The following C12orf42 variants were observed in gnomAD, a reference collection of about 807,000 sequenced individuals.
C12orf42 encodes the protein chromosome 12 open reading frame 42, also known as uncharacterized protein C12orf42.
A neutral mutation model predicts 21.6 loss-of-function variants in C12orf42; 25 were observed. The observed-to-expected ratio is 1.16, with a 90% CI of 0.84 to 1.62. C12orf42 has a LOEUF of 1.62. Ranked by LOEUF, C12orf42 falls within the 40% of genes most tolerant of loss-of-function variation. C12orf42 has a pLI of 0.00. For missense variants in C12orf42, 483 were observed against 459.3 expected, an observed-to-expected ratio of 1.05 and a Z score of -0.47; for synonymous variants, 174 against 175.0, an observed-to-expected ratio of 0.99 and a Z score of 0.05.
intron 4 of C12orf42, among the ~76,000 whole-genome samples, chr12:103,293,651 A>G (rs769460596): frequency 1.3e-5 from 2 of 152,070 alleles, no homozygotes; most frequent in African/African-American, 4.8e-5. Context: ...AGAATTTAGA[A>G]TTTTTTCTAT....
intron 2 of C12orf42, among the ~76,000 whole-genome samples, chr12:103,404,275 A>G (rs1299012031): frequency 6.6e-6 from 1 of 152,224 alleles, no homozygotes; most frequent in Non-Finnish European, 1.5e-5. Context: ...CGAGGAGTCC[A>G]GAAAGAAACA....
At chr12:103,467,604 G>A (rs191774056) in intron 2 of C12orf42, among the ~76,000 whole-genome samples, 1 of 152,150 alleles carries the variant, frequency 6.6e-6, no homozygotes, top group African/African-American at 2.4e-5. Flanking sequence ...TTGGGCCAAC[G>A]CACTTCAGTA....
intron 4 of C12orf42, among the ~76,000 whole-genome samples, chr12:103,329,616 T>TA (rs568084194): frequency 0.11 from 14,788 of 139,996 alleles, 807 homozygotes; most frequent in East Asian, 0.19. Context: ...CGGGCCTGCT[T>TA]AAAAAAAAAA....
chr12:103,130,608 C>A, the C12orf42 span, among the ~76,000 whole-genome samples: 2 of 151,958 alleles, frequency 1.3e-5, no homozygotes, highest in Non-Finnish European at 2.9e-5. Context: ...TGGTTCAGCA[C>A]CCATGGAGGG....
At chr12:103,398,151 C>T (rs978580488) in intron 3 of C12orf42, among the ~76,000 whole-genome samples, 2 of 152,206 alleles carry the variant, frequency 1.3e-5, no homozygotes, top group Non-Finnish European at 2.9e-5. Flanking sequence ...ATGTGAGACT[C>T]TCCATTTCTC....
At chr12:103,295,142 T>C (rs1260571735) in intron 4 of C12orf42, among the ~76,000 whole-genome samples, 1 of 152,208 alleles carries the variant, frequency 6.6e-6, no homozygotes, top group African/African-American at 2.4e-5. Flanking sequence ...AGTAAAGGGT[T>C]GGAGCATTCT....
chr12:103,154,527 G>A, the C12orf42 span, among the ~76,000 whole-genome samples: 2,151 of 151,782 alleles, frequency 0.014, 66 homozygotes, highest in African/African-American at 0.049. Context: ...TTTCTAACTT[G>A]TACTCTGAGA....
At chr12:103,079,536 G>A in the C12orf42 span, among the ~76,000 whole-genome samples, 1 of 152,338 alleles carries the variant, frequency 6.6e-6, no homozygotes, top group African/African-American at 2.4e-5. Flanking sequence ...AAAATGTGCT[G>A]TGGTATGCAT....
At chr12:103,129,590 T>G in the C12orf42 span, among the ~76,000 whole-genome samples, 1 of 152,234 alleles carries the variant, frequency 6.6e-6, no homozygotes, top group Non-Finnish European at 1.5e-5. Flanking sequence ...TCTTCTGCCT[T>G]TTTATAACTT....
chr12:103,237,142 A>G (rs1193466939), downstream of C12orf42, among the ~76,000 whole-genome samples: 2 of 152,240 alleles, frequency 1.3e-5, no homozygotes, highest in Non-Finnish European at 2.9e-5. Flanking sequence ...GCTCTGAAAT[A>G]TATCACAGGC....
At chr12:103,305,912 G>T in intron 5 of C12orf42, 62 bp downstream of exon 5, 1 of 1,530,058 alleles carries the variant, frequency 6.5e-7, no homozygotes. Context: ...TTATACTGAA[G>T]TTAAAAACAA....
the C12orf42 span, among the ~76,000 whole-genome samples, chr12:103,551,509 C>T: frequency 9.9e-5 from 15 of 151,900 alleles, no homozygotes; most frequent in South Asian, 2.9e-3. Context: ...AGAGCAAGAC[C>T]CTGTCTCTCA....
At chr12:103,163,307 G>A in the C12orf42 span, among the ~76,000 whole-genome samples, 3 of 152,164 alleles carry the variant, frequency 2.0e-5, no homozygotes, top group African/African-American at 7.2e-5. Flanking sequence ...TCCAATCAAT[G>A]GCAGATTGAG....
chr12:103,105,032 C>G, the C12orf42 span, among the ~76,000 whole-genome samples: 1 of 152,210 alleles, frequency 6.6e-6, no homozygotes. Context: ...CCACACTGCA[C>G]TGGTATTCTA....
chr12:103,116,381 A>AAATATATATATATATAT, the C12orf42 span, among the ~76,000 whole-genome samples: 1 of 136,712 alleles, frequency 7.3e-6, no homozygotes, highest in African/African-American at 2.7e-5. Flanking sequence ...AAAAAAAAAA[A>AAATATATATATATATAT]ATATATATAT....
At chr12:103,137,215 A>G in the C12orf42 span, among the ~76,000 whole-genome samples, 7 of 152,230 alleles carry the variant, frequency 4.6e-5, no homozygotes, top group Non-Finnish European at 8.8e-5. Flanking sequence ...GGCAAAGGAC[A>G]TGAATAGACA....
chr12:103,414,382 C>T (rs1235214419), intron 2 of C12orf42, among the ~76,000 whole-genome samples: 3 of 151,864 alleles, frequency 2.0e-5, no homozygotes, highest in African/African-American at 4.8e-5. Context: ...ATTCTGGATA[C>T]CAGTCCTTTC....
chr12:103,204,551 C>A, the C12orf42 span, among the ~76,000 whole-genome samples: 2 of 152,032 alleles, frequency 1.3e-5, no homozygotes, highest in South Asian at 4.1e-4. Context: ...ATGAAAAGAA[C>A]CTGAAGTTAA....
At chr12:103,434,983 G>T (rs533546198) in intron 2 of C12orf42, among the ~76,000 whole-genome samples, 3 of 152,196 alleles carry the variant, frequency 2.0e-5, no homozygotes, top group Admixed American at 2.0e-4. Context: ...AGTAACCTCT[G>T]CAGACTTAAA....
Sources: gnomAD v4.1 joint callset for allele counts (sites outside exome capture counted in the v4.1 genomes callset) on GRCh38, gnomAD v4.1.1 for gene constraint, MANE v1.5 for transcripts, NCBI Gene and HGNC (gene_info 2026-07-23, HGNC 2026-07-21) for gene names.